AKR1C1: variants seen among roughly 807,000 people sequenced by gnomAD.
The protein encoded by AKR1C1 is aldo-keto reductase family 1 member C1.
AKR1C1 carries 32 observed loss-of-function variants against 40.6 expected under a neutral mutation model. The observed-to-expected ratio is 0.79, with a 90% CI of 0.60 to 1.06. The LOEUF (loss-of-function observed/expected upper bound fraction) is 1.06. Among genes scored for constraint, AKR1C1 ranks in the 50% least tolerant of loss-of-function variants. The pLI is 0.00. For synonymous variants in AKR1C1, 105 were observed against 134.2 expected, an observed-to-expected ratio of 0.78 and a Z score of 1.50; for missense variants, 320 against 363.5, an observed-to-expected ratio of 0.88 and a Z score of 0.97.
chr10:4,981,871 T>C lies in AKR1C1; in HGVS notation c.*4129T>C, dbSNP rs1836622520. 1 of 152,202 alleles carries C rather than the reference T, an allele frequency of 6.6e-6. No homozygotes were observed. The highest frequency in any genetic ancestry group is 1.5e-5 in the Non-Finnish European group (1 of 68,062). 9.4% of individuals were successfully genotyped at this position (152,202 alleles called of 1,614,324 possible). A position where few individuals can be genotyped will look rare whatever the true frequency, so the allele number is the denominator to read the frequency against. ...CGGGAGGGATGTGGCCTGAAAGCCA[T>C]GGTTATTATCTCAGCGTGTAAGCTG... On this transcript the variant is annotated 3_prime_UTR_variant, in exon 9 of 9. Transcript: ENST00000380872.
intron 8 of AKR1C1, 56 bp from the exon 9 acceptor site, chr10:4,977,644 C>A (rs45549033): frequency 1.2e-6 from 2 of 1,610,802 alleles, no homozygotes; most frequent in East Asian, 4.5e-5. Context: ...ACTGCACTAC[C>A]CGCTAGTAAC....
chr10:4,970,501 T>A (rs113413830), intron 5 of AKR1C1, among the ~76,000 whole-genome samples: 69 of 152,268 alleles, frequency 4.5e-4, no homozygotes, highest in African/African-American at 1.5e-3. Flanking sequence ...TGCACCACAC[T>A]AGACTGCATA....
intron 7 of AKR1C1, among the ~76,000 whole-genome samples, chr10:4,975,082 A>G (rs1163082188): frequency 1.3e-5 from 2 of 152,042 alleles, no homozygotes; most frequent in Non-Finnish European, 2.9e-5. Flanking sequence ...AATTAATTTC[A>G]TAACTTTCTC....
intron 5 of AKR1C1, among the ~76,000 whole-genome samples, chr10:4,971,397 T>C (rs1273933474): frequency 6.6e-6 from 1 of 151,568 alleles, no homozygotes; most frequent in Non-Finnish European, 1.5e-5. Context: ...ATTGTTGTTC[T>C]TTTTCTCATT....
Position 4,978,780 on chromosome 10 carries a change from C to A in AKR1C1, c.*1038C>A, listed in dbSNP as rs1350246091. On this transcript the variant is annotated 3_prime_UTR_variant, in exon 9 of 9. Transcript: ENST00000380872. ...ATCTAATAAATCAAATGTTCCAAGA[C>A]TTCAAAGGTCTTTTGGAAACAGGCT... is the stretch of plus-strand genomic sequence containing the variant. The A allele has an allele frequency of 6.6e-6, 1 of 152,178 alleles. No homozygotes were observed. The highest frequency in any genetic ancestry group is 1.5e-5 in the Non-Finnish European group (1 of 68,026). The allele number at this position is 152,178 out of a possible 1,614,324, so 9.4% of individuals were successfully genotyped here. A position where few individuals can be genotyped will look rare whatever the true frequency, so the allele number is the denominator to read the frequency against.
intron 1 of AKR1C1, among the ~76,000 whole-genome samples, chr10:4,964,758 T>C (rs1564314374): frequency 1.3e-5 from 2 of 150,886 alleles, no homozygotes; most frequent in East Asian, 3.9e-4. Flanking sequence ...CTATTTCTTA[T>C]ACAAATCAAT....
rs1055383425 is a variant in AKR1C1, at chr10:4,964,274, T to C, written c.84+746T>C. Among the ~76,000 whole-genome samples, 13 of 152,238 alleles carry C rather than the reference T, an allele frequency of 8.5e-5. 1 individual carries two copies. Among genetic ancestry groups the C allele is most frequent in the Non-Finnish European group, 1.3e-4 (9 of 68,038 alleles). ...GTCTTGGGAATACAATGTGTGTGAA[T>C]AGGGACTAGTTACATAAAATTTGGG... On this transcript the variant is annotated intron_variant, in intron 1 of 8. Coordinates refer to ENST00000380872, the MANE Select transcript of AKR1C1 (RefSeq NM_001353.6).
At position 4,965,942 on chromosome 10, in the gene AKR1C1, C is replaced by T. The variant is rs1138570; in HGVS notation, c.113C>T (p.Thr38Ile). 6.2e-7 allele frequency: 1 copy of T among 1,613,990 alleles called. No homozygotes were observed. Among genetic ancestry groups the T allele is most frequent in the Non-Finnish European group, 8.5e-7 (1 of 1,179,970 alleles). Residue 38 changes from threonine (T) to isoleucine (I), a missense_variant, in exon 2 of 9, where the codon ACC becomes ATC. By Grantham distance (89) the Thr-to-Ile change is moderately conservative (BLOSUM62 -1). Around this residue, in one of 3 missense-constraint regions of AKR1C1, gnomAD observed 214 missense variants for 214.8 expected, o/e 1.00. Coordinates refer to ENST00000380872, the MANE Select transcript of AKR1C1 (RefSeq NM_001353.6). ...EVPKSKALEATKLAIEAGFRH... is the reference protein window; with the variant it reads ...EVPKSKALEAIKLAIEAGFRH... ...CCTAAAAGTAAAGCTTTAGAGGCCA[C>T]CAAATTGGCAATTGAAGCTGGCTTC...
Position 4,965,927 on chromosome 10 carries a change from A to C in AKR1C1, c.98A>C (p.Lys33Thr), listed in dbSNP as rs1836324098. Residue 33 changes from lysine (K) to threonine (T), a missense_variant, in exon 2 of 9, where the codon AAA becomes ACA. By Grantham distance (78) the Lys-to-Thr change is moderately conservative. Transcript: ENST00000380872. ...TYAPAEVPKSKALEATKLAIE... is the reference protein window; with the variant it reads ...TYAPAEVPKSTALEATKLAIE... ...TTACTCCCCCAGGTTCCTAAAAGTA[A>C]AGCTTTAGAGGCCACCAAATTGGCA... 1.2e-6 allele frequency: 2 copies of C among 1,613,626 alleles called. No individual in the cohort carries two copies. The highest frequency in any genetic ancestry group is 1.7e-6 in the Non-Finnish European group (2 of 1,179,820).
At chr10:4,975,539 G>A (rs1294218613) in intron 7 of AKR1C1, among the ~76,000 whole-genome samples, 1 of 152,046 alleles carries the variant, frequency 6.6e-6, no homozygotes, top group Non-Finnish European at 1.5e-5. Context: ...GATTCTTGTG[G>A]GTCTTCTAGG....
intron 3 of AKR1C1, chr10:4,967,314 A>G: frequency 8.7e-7 from 1 of 1,143,500 alleles, no homozygotes; most frequent in Non-Finnish European, 1.1e-6. Flanking sequence ...TTGAAGGCAC[A>G]AGGTCTTAGT....
At chr10:4,977,386 G>A (rs1836542662) in intron 8 of AKR1C1, among the ~76,000 whole-genome samples, 1 of 152,170 alleles carries the variant, frequency 6.6e-6, no homozygotes, top group South Asian at 2.1e-4. Context: ...TTTTTACTGA[G>A]AATTTGAAAT....
At chr10:4,972,372 T>C in intron 6 of AKR1C1, 62 bp downstream of exon 6, 2 of 1,598,738 alleles carry the variant, frequency 1.3e-6, no homozygotes, top group South Asian at 1.1e-5. Flanking sequence ...TTTAATCAGA[T>C]CATGCTGTTT....
chr10:4,972,405 C>G, intron 6 of AKR1C1, 95 bp downstream of exon 6: 2 of 1,465,872 alleles, frequency 1.4e-6, no homozygotes, highest in Admixed American at 2.2e-5. Flanking sequence ...TCACAGCTGA[C>G]TTGGGGTGAG....
intron 2 of AKR1C1, 91 bp downstream of exon 2, chr10:4,966,172 G>C: frequency 6.6e-7 from 1 of 1,507,504 alleles, no homozygotes; most frequent in Non-Finnish European, 8.9e-7. Flanking sequence ...AGTATAGGGT[G>C]AATTGTGCTT....
Position 4,972,684 on chromosome 10 carries a change from C to A in AKR1C1, c.781C>A (p.Leu261Ile). 2 of 1,612,872 alleles carry A rather than the reference C, an allele frequency of 1.2e-6. No homozygotes were observed. Among genetic ancestry groups the A allele is most frequent in the Non-Finnish European group, 1.7e-6 (2 of 1,180,034 alleles). ...TPALIALRYQ[L>I]QRGVVVLAKS... Reference sequence around the variant, plus strand: ...AGCCCTGATTGCCCTGCGCTACCAGCTACAGCGTGGGGTTGTGGTCCTGGC... The same window carrying A: ...AGCCCTGATTGCCCTGCGCTACCAGATACAGCGTGGGGTTGTGGTCCTGGC... Residue 261 changes from leucine (L) to isoleucine (I), a missense_variant, in exon 7 of 9, where the codon CTA (leucine) becomes ATA (isoleucine). By Grantham distance (5) the Leu-to-Ile change is conservative (BLOSUM62 2). Coordinates refer to ENST00000380872, the MANE Select transcript of AKR1C1 (RefSeq NM_001353.6).
At position 4,978,094 on chromosome 10, in the gene AKR1C1, G is replaced by A. The variant is rs1327396268; in HGVS notation, c.*352G>A. On this transcript the variant is annotated 3_prime_UTR_variant, in exon 9 of 9. Coordinates refer to ENST00000380872, the MANE Select transcript of AKR1C1 (RefSeq NM_001353.6). ...CAACCATTTAAGATTCATTTCTGCA[G>A]TGGGAGTGGGTGGAGTTTCACCCTC... is the stretch of plus-strand genomic sequence containing the variant. 1 of 246,654 alleles carries A rather than the reference G, an allele frequency of 4.1e-6. No homozygotes were observed. The highest frequency in any genetic ancestry group is 2.4e-5 in the African/African-American group (1 of 42,154). The allele number at this position is 246,654 out of a possible 1,614,324, so 15.3% of individuals were successfully genotyped here.
rs575271908 is a variant in AKR1C1 at position 4,964,554 on chromosome 10, A to G, written c.84+1026A>G. The stretch of plus-strand genomic sequence containing the variant: ...CTATGGGAAAAAGAAAGCCTCTGAA[A>G]TACTTTCCAGATAGGAAAACAGTTT... On this transcript the variant is annotated intron_variant, in intron 1 of 8. Transcript: ENST00000380872. 3.9e-5 allele frequency among the ~76,000 whole-genome samples: 6 copies of G among 152,322 alleles called. No homozygotes were observed. In the East Asian group the frequency reaches 1.2e-3, roughly 29 times the overall value.
At position 4,963,438 on chromosome 10, in the gene AKR1C1, G is replaced by A; in HGVS notation, c.-7G>A. 1 of 1,614,062 alleles carries A rather than the reference G, an allele frequency of 6.2e-7. No homozygotes were observed. The highest frequency in any genetic ancestry group is 8.5e-7 in the Non-Finnish European group (1 of 1,179,932). On this transcript the variant is annotated 5_prime_UTR_variant, in exon 1 of 9. Coordinates refer to ENST00000380872, the MANE Select transcript of AKR1C1 (RefSeq NM_001353.6). ...AGAAACATTTGCCAGCCAGGCTAGT[G>A]ACAGAAATGGATTCGAAATATCAGT...
Sources: gnomAD v4.1 joint callset for allele counts (sites outside exome capture counted in the v4.1 genomes callset) on GRCh38, gnomAD v4.1.1 for gene constraint, gnomAD v4.1.1 regional missense constraint, MANE v1.5 for transcripts, NCBI Gene and HGNC (gene_info 2026-07-23, HGNC 2026-07-21) for gene names.